Variants in CD244 observed in about 807,000 individuals in gnomAD.
The protein encoded by CD244 is CD244 molecule, also known as natural killer cell receptor 2B4.
Under a neutral mutation model 45.5 loss-of-function variants are expected in CD244, and 20 were observed. That is an observed-to-expected ratio of 0.44 (90% CI 0.31 to 0.64). The LOEUF (loss-of-function observed/expected upper bound fraction) is 0.64, where lower values mean the gene tolerates loss of function less well. Ranked by LOEUF, CD244 falls within the 30% of genes least tolerant of loss-of-function variation. CD244 has a pLI of 0.08. For synonymous variants in CD244, 185 were observed against 160.5 expected (o/e 1.15, Z -1.15); for missense variants, 407 against 426.9 (o/e 0.95, Z 0.41).
At chr1:160,854,203 C>T (rs1322393486) in intron 1 of CD244, among the ~76,000 whole-genome samples, 1 of 152,052 alleles carries the variant, frequency 6.6e-6, no homozygotes, top group African/African-American at 2.4e-5. Context: ...AGAGGTAGCA[C>T]AAGTATTAAA....
At chr1:160,851,354 C>T (rs1196824523) in intron 1 of CD244, among the ~76,000 whole-genome samples, 1 of 152,170 alleles carries the variant, frequency 6.6e-6, no homozygotes, top group Non-Finnish European at 1.5e-5. Context: ...AAAGACATCA[C>T]TTCGGAATTT....
chr1:160,850,824 A>T (rs1228550072), intron 1 of CD244, among the ~76,000 whole-genome samples: 3 of 152,134 alleles, frequency 2.0e-5, no homozygotes, highest in Admixed American at 6.6e-5. Flanking sequence ...TTCAATTCTG[A>T]CACTATCTAC....
At chr1:160,835,453 G>C (rs1669300765) in intron 6 of CD244, among the ~76,000 whole-genome samples, 1 of 152,158 alleles carries the variant, frequency 6.6e-6, no homozygotes, top group African/African-American at 2.4e-5. Flanking sequence ...GTGAGATTTA[G>C]TAAGAAAATA....
chr1:160,840,386 T>G lies in CD244; in HGVS notation c.655+824A>C, dbSNP rs894566201. On this transcript the variant is annotated intron_variant, in intron 3 of 8. Transcript: ENST00000368034. ...AAGCAATTCTCCTGCCTCAGCCTCC[T>G]GAGTAGCTGAGATTACAGGTGCCCG... is the stretch of plus-strand genomic sequence containing the variant. 1.2e-3 allele frequency among the ~76,000 whole-genome samples: 176 copies of G among 152,068 alleles called. 4 individuals carry two copies. Among genetic ancestry groups the G allele is most frequent in the Admixed American group, 7.2e-4 (11 of 15,266 alleles).
At chr1:160,853,142 G>A (rs1405192798) in intron 1 of CD244, among the ~76,000 whole-genome samples, 1 of 152,170 alleles carries the variant, frequency 6.6e-6, no homozygotes, top group Non-Finnish European at 1.5e-5. Flanking sequence ...ACGATTAGAT[G>A]AGCAAATAAA....
At chr1:160,848,088 AT>A (rs1669797332) in intron 1 of CD244, 1 of 389,056 alleles carries the variant, frequency 2.6e-6, no homozygotes, top group African/African-American at 2.1e-5. Context: ...CTGTTTGCAC[AT>A]AAAGTTCCAA....
At chr1:160,837,725 G>GT (rs1669383727) in intron 5 of CD244, among the ~76,000 whole-genome samples, 1 of 152,226 alleles carries the variant, frequency 6.6e-6, no homozygotes, top group Admixed American at 6.5e-5. Flanking sequence ...CACCCACCCT[G>GT]CCCCACTTCC....
At chr1:160,850,553 T>C (rs1332953394) in intron 1 of CD244, among the ~76,000 whole-genome samples, 5 of 152,244 alleles carry the variant, frequency 3.3e-5, no homozygotes, top group Admixed American at 2.0e-4. Flanking sequence ...AGGTTTTCAC[T>C]ACCTAATATC....
intron 3 of CD244, 75 bp downstream of exon 3, chr1:160,841,135 A>G (rs888762136): frequency 1.4e-6 from 2 of 1,435,802 alleles, no homozygotes; most frequent in African/African-American, 2.8e-5. Flanking sequence ...CTCATACCAC[A>G]TCTGTCTTGC....
At chr1:160,834,145 A>G in intron 6 of CD244, 29 bp from the exon 7 acceptor site, 2 of 1,465,428 alleles carry the variant, frequency 1.4e-6, no homozygotes, top group Non-Finnish European at 1.9e-6. Flanking sequence ...AAATCATTTC[A>G]GAAGCACAGA....
rs769995643 is a variant in CD244 at position 160,838,997 on chromosome 1, G to A, written c.708C>T (p.Phe236=). The stretch of plus-strand genomic sequence containing the variant: ...CACAGAAGCAGGCAAGGGTGCCAAG[G>A]AACAGTGCGCTTAGAATCACGATGA... ...LVIIVILSAL[F]LGTLACFCVW... Residue 236 remains phenylalanine, a synonymous_variant, in exon 4 of 9, where the codon TTC becomes TTT. Coordinates refer to ENST00000368034, the MANE Select transcript of CD244 (RefSeq NM_016382.4). 2.5e-6 allele frequency: 4 copies of A among 1,614,054 alleles called. No homozygotes were observed. Among genetic ancestry groups the A allele is most frequent in the African/African-American group, 1.3e-5 (1 of 75,032 alleles).
rs1002905089 is a variant in CD244, at chr1:160,841,116, G to A, written c.655+94C>T. The A allele has an allele frequency of 1.9e-5, 24 of 1,279,776 alleles. No individual in the cohort carries two copies. In the Admixed American group the frequency reaches 4.4e-4, roughly 23 times the overall value. 79.3% of individuals were successfully genotyped at this position (1,279,776 alleles called of 1,614,324 possible). A position where few individuals can be genotyped will look rare whatever the true frequency, so the allele number is the denominator to read the frequency against. ...CAAGGCACTGGGAGAGGAGGCCAAG[G>A]GATTTTATCTCATACCACATCTGTC... On this transcript the variant is annotated intron_variant, in intron 3 of 8. Transcript: ENST00000368034.
chr1:160,838,733 A>C, intron 4 of CD244: 1 of 615,942 alleles, frequency 1.6e-6, no homozygotes, highest in South Asian at 2.0e-5. Flanking sequence ...TCTACAGGGA[A>C]ATCTGCGCAT....
intron 1 of CD244, among the ~76,000 whole-genome samples, chr1:160,854,194 G>T (rs184522006): frequency 6.6e-6 from 1 of 152,200 alleles, no homozygotes; most frequent in Non-Finnish European, 1.5e-5. Context: ...AAAATTGTGA[G>T]AGGTAGCACA....
At chr1:160,850,139 T>C (rs1264722572) in intron 1 of CD244, among the ~76,000 whole-genome samples, 5 of 152,150 alleles carry the variant, frequency 3.3e-5, no homozygotes, top group Admixed American at 1.3e-4. Flanking sequence ...TTGCTAGATA[T>C]AAGGTCAATA....
chr1:160,837,048 C>T (rs1228933552), intron 5 of CD244, among the ~76,000 whole-genome samples: 2 of 152,130 alleles, frequency 1.3e-5, no homozygotes, highest in African/African-American at 4.8e-5. Context: ...TCTCTCCCGT[C>T]CAGACCCGTG....
At chr1:160,836,399 C>T (rs1571089096) in intron 5 of CD244, 145 bp from the exon 6 acceptor site, 1 of 683,306 alleles carries the variant, frequency 1.5e-6, no homozygotes, top group African/African-American at 1.8e-5. Flanking sequence ...CATTGATCCT[C>T]CCAAGATGGG....
chr1:160,835,003 A>G (rs1669279785), intron 6 of CD244, among the ~76,000 whole-genome samples: 1 of 152,226 alleles, frequency 6.6e-6, no homozygotes, highest in Non-Finnish European at 1.5e-5. Flanking sequence ...TGTGGCTGAA[A>G]CTAGAGAACT....
rs573581526 is a variant in CD244, at chr1:160,830,524, G to C, written c.*823C>G. 1 of 152,474 alleles carries C rather than the reference G, an allele frequency of 6.6e-6. No individual in the cohort carries two copies. The highest frequency in any genetic ancestry group is 2.4e-5 in the African/African-American group (1 of 41,566). The allele number at this position is 152,474 out of a possible 1,614,324, so 9.4% of individuals were successfully genotyped here. On this transcript the variant is annotated 3_prime_UTR_variant, in exon 9 of 9. Coordinates refer to ENST00000368034, the MANE Select transcript of CD244 (RefSeq NM_016382.4). ...CTCATCAGGACTCAGAACTTAAATA[G>C]AACATGGTTTCTGAGAGGCCTCTTC... is the stretch of plus-strand genomic sequence containing the variant.
Sources: gnomAD v4.1 joint callset for allele counts (sites outside exome capture counted in the v4.1 genomes callset) on GRCh38, gnomAD v4.1.1 for gene constraint, MANE v1.5 for transcripts, NCBI Gene and HGNC (gene_info 2026-07-23, HGNC 2026-07-21) for gene names.